KCNJ16: variants seen among roughly 807,000 people sequenced by gnomAD.
The protein encoded by KCNJ16 is potassium inwardly rectifying channel subfamily J member 16.
Under a neutral mutation model 18.5 loss-of-function variants are expected in KCNJ16, and 15 were observed. The ratio of observed to expected loss-of-function variants is 0.81; its 90% confidence interval spans 0.54 to 1.25. KCNJ16 has a LOEUF of 1.25. Among genes scored for constraint, KCNJ16 ranks in the 50% most tolerant of loss-of-function variants. The pLI, the probability that KCNJ16 is intolerant of heterozygous loss-of-function variation, is 0.00. For missense variants in KCNJ16, 523 were observed against 525.7 expected, an observed-to-expected ratio of 0.99 and a Z score of 0.05; for synonymous variants, 174 against 186.5, an observed-to-expected ratio of 0.93 and a Z score of 0.55.
intron 2 of KCNJ16, among the ~76,000 whole-genome samples, chr17:70,129,641 T>G (rs2073987555): frequency 6.6e-6 from 1 of 152,254 alleles, no homozygotes; most frequent in Non-Finnish European, 1.5e-5. Flanking sequence ...AAGTTGAAGT[T>G]AATGATCACA....
intron 2 of KCNJ16, chr17:70,101,863 C>T (rs2072640876): frequency 6.6e-6 from 1 of 152,108 alleles, no homozygotes; most frequent in Admixed American, 6.5e-5. Flanking sequence ...AATTAGATTA[C>T]AATTAAATTG....
intron 1 of KCNJ16, among the ~76,000 whole-genome samples, chr17:70,086,645 C>T (rs954822799): frequency 5.3e-5 from 8 of 152,028 alleles, no homozygotes; most frequent in Admixed American, 3.3e-4. Flanking sequence ...ATCCAAGAAA[C>T]GATTAGTACA....
At chr17:70,107,471 C>T (rs995572804) in intron 2 of KCNJ16, among the ~76,000 whole-genome samples, 1 of 152,130 alleles carries the variant, frequency 6.6e-6, no homozygotes, top group African/African-American at 2.4e-5. Context: ...AGCCATTCTG[C>T]TGAGTTGTAT....
intron 1 of KCNJ16, among the ~76,000 whole-genome samples, chr17:70,088,021 C>CAAAAAAAAAAAAAAAAAAAAAAAA (rs10661960): frequency 1.8e-4 from 14 of 79,394 alleles, no homozygotes; most frequent in Non-Finnish European, 2.8e-4. Context: ...GACTCTGTCT[C>CAAAAAAAAAAAAAAAAAAAAAAAA]AAAAAAAAAA....
chr17:70,084,938 T>C (rs966820687), intron 1 of KCNJ16, among the ~76,000 whole-genome samples: 6 of 152,186 alleles, frequency 3.9e-5, no homozygotes, highest in Admixed American at 3.3e-4. Context: ...TATTTCTTTC[T>C]TAGATTGTGT....
In KCNJ16 at chr17:70,092,488, CAATA is replaced by C. The variant is rs1416442561; in HGVS notation, c.-299-8169_-299-8166del. Among the ~76,000 whole-genome samples, 898 of 96,634 alleles carry C rather than the reference CAATA, an allele frequency of 9.3e-3. 7 individuals are homozygous for C. Among genetic ancestry groups the C allele is most frequent in the African/African-American group, 0.036 (834 of 23,492 alleles). The allele number at this position is 96,634 out of a possible 152,430, so 63.4% of individuals were successfully genotyped here. On this transcript the variant is annotated intron_variant, in intron 1 of 3. Transcript: ENST00000392671. The stretch of plus-strand genomic sequence containing the variant: ...TCAAGGTTCTCTAGAGAAACAGAAC[CAATA>C]GATAGATAGATAGATAGATAGATAG...
chr17:70,110,137 GACAA>G (rs1398458871), intron 2 of KCNJ16, among the ~76,000 whole-genome samples: 1 of 152,112 alleles, frequency 6.6e-6, no homozygotes, highest in African/African-American at 2.4e-5. Context: ...AATTTGACAT[GACAA>G]ACAGACTCTC....
Position 70,133,616 on chromosome 17 carries a change from T to C in KCNJ16, c.*272T>C, listed in dbSNP as rs572811841. 3.4e-6 allele frequency: 1 copy of C among 295,476 alleles called. No homozygotes were observed. Among genetic ancestry groups the C allele is most frequent in the African/African-American group, 2.2e-5 (1 of 46,032 alleles). The allele number at this position is 295,476 out of a possible 1,614,324, so 18.3% of individuals were successfully genotyped here. ...TTTATTATCTTACATGCTTGTATCT[T>C]CAGTTGGAGGTGTAGTATTCAAAAA... On this transcript the variant is annotated 3_prime_UTR_variant, in exon 4 of 4. Coordinates refer to ENST00000392671, the MANE Select transcript of KCNJ16 (RefSeq NM_170741.4).
intron 2 of KCNJ16, among the ~76,000 whole-genome samples, chr17:70,112,648 T>G (rs1174930748): frequency 6.6e-6 from 1 of 152,308 alleles, no homozygotes; most frequent in African/African-American, 2.4e-5. Context: ...TTTGATTAAG[T>G]TAAAGCAAAA....
intron 2 of KCNJ16, among the ~76,000 whole-genome samples, chr17:70,110,769 C>T (rs960236908): frequency 4.6e-5 from 7 of 152,154 alleles, no homozygotes; most frequent in African/African-American, 7.2e-5. Flanking sequence ...CCACTGGCCA[C>T]GTAATCCCAC....
At position 70,125,471 on chromosome 17, in the gene KCNJ16, G is replaced by C. The variant is rs573469040; in HGVS notation, c.-190-5408G>C. Among the ~76,000 whole-genome samples the C allele has an allele frequency of 2.6e-5, 4 of 152,228 alleles. No individual in the cohort carries two copies. In the East Asian group the frequency reaches 7.7e-4, roughly 29 times the overall value. On this transcript the variant is annotated intron_variant, in intron 2 of 3. Transcript: ENST00000392671. The stretch of plus-strand genomic sequence containing the variant: ...CCTGCCAGTGGAGCACCCTTTGAGA[G>C]AGTGAAAGCAAGTGTTCTGATATTC...
chr17:70,103,296 G>GTATA (rs1173280296), intron 2 of KCNJ16, among the ~76,000 whole-genome samples: 912 of 72,040 alleles, frequency 0.013, 17 homozygotes, highest in African/African-American at 0.035. Flanking sequence ...ATGTGTGTGT[G>GTATA]TATATATATA....
rs77668164 is a variant in KCNJ16 at position 70,077,239 on chromosome 17, C to T, written c.-300+1849C>T. ...ATTTACCAAGACAGATACGATTCTG[C>T]AAGCTACAAGTGTCAGAGAAGGTTT... On this transcript the variant is annotated intron_variant, in intron 1 of 3. Coordinates refer to ENST00000392671, the MANE Select transcript of KCNJ16 (RefSeq NM_170741.4). Among the ~76,000 whole-genome samples, 864 of 152,282 alleles carry T rather than the reference C, an allele frequency of 5.7e-3. 7 individuals carry two copies. The highest frequency in any genetic ancestry group is 0.02 in the African/African-American group (814 of 41,546).
At chr17:70,084,052 G>A (rs111819604) in intron 1 of KCNJ16, among the ~76,000 whole-genome samples, 2 of 152,296 alleles carry the variant, frequency 1.3e-5, no homozygotes, top group African/African-American at 4.8e-5. Flanking sequence ...GGATGTGTAG[G>A]CACAGTGGGC....
chr17:70,132,183 A>G lies in KCNJ16; in HGVS notation c.96A>G (p.Ala32=). 1 of 1,614,242 alleles carries G rather than the reference A, an allele frequency of 6.2e-7. No individual in the cohort carries two copies. The highest frequency in any genetic ancestry group is 2.2e-5 in the East Asian group (1 of 44,886). The change falls in exon 4 of 4, where the codon GCA becomes GCG. Residue 32 remains alanine, a synonymous_variant. Transcript: ENST00000392671. ...ACATTATAGCTGAGAAGAGAAGAGCAAGAAGACGATTACTTCACAAAGATG... is the reference window on the plus strand; with the variant it reads ...ACATTATAGCTGAGAAGAGAAGAGCGAGAAGACGATTACTTCACAAAGATG... The part of the protein sequence containing the change: ...PEHIIAEKRR[A]RRRLLHKDGS...
intron 2 of KCNJ16, among the ~76,000 whole-genome samples, chr17:70,121,749 GT>G (rs1443302623): frequency 6.6e-6 from 1 of 152,012 alleles, no homozygotes; most frequent in Non-Finnish European, 1.5e-5. Flanking sequence ...GGCCAACATA[GT>G]GAAACCCCTA....
At chr17:70,124,260 G>A (rs1381588668) in intron 2 of KCNJ16, among the ~76,000 whole-genome samples, 1 of 152,100 alleles carries the variant, frequency 6.6e-6, no homozygotes, top group African/African-American at 2.4e-5. Flanking sequence ...CTTCTCCATA[G>A]TATCACTTTC....
At chr17:70,079,552 T>A (rs1287860158) in intron 1 of KCNJ16, among the ~76,000 whole-genome samples, 1 of 152,232 alleles carries the variant, frequency 6.6e-6, no homozygotes, top group African/African-American at 2.4e-5. Context: ...TTAGACATTA[T>A]ATGTTTCAAG....
rs998313267 is a variant in KCNJ16, at chr17:70,132,023, T to G, written c.-65T>G. The G allele has an allele frequency of 3.1e-6, 5 of 1,601,752 alleles. No individual in the cohort carries two copies. The Admixed American group carries it at 8.5e-5, about 27-fold the overall frequency. ...CTAACTGAAAACCCAAACCAAGAAA[T>G]AGCAACAAGTCTAGAATTCTTACTA... On this transcript the variant is annotated 5_prime_UTR_variant, in exon 4 of 4. Transcript: ENST00000392671.
Sources: gnomAD v4.1 joint callset for allele counts (sites outside exome capture counted in the v4.1 genomes callset) on GRCh38, gnomAD v4.1.1 for gene constraint, MANE v1.5 for transcripts, NCBI Gene and HGNC (gene_info 2026-07-23, HGNC 2026-07-21) for gene names.